RALGPS1: variants seen among roughly 807,000 people sequenced by gnomAD.
RALGPS1 encodes Ral GEF with PH domain and SH3 binding motif 1, also known as ras-specific guanine nucleotide-releasing factor RalGPS1.
Under a neutral mutation model 78.8 loss-of-function variants are expected in RALGPS1, and 19 were observed. The observed-to-expected ratio is 0.24, with a 90% CI of 0.17 to 0.35. RALGPS1 has a LOEUF of 0.35. Among genes scored for constraint, RALGPS1 ranks in the 10% least tolerant of loss-of-function variants. RALGPS1 has a pLI of 1.00. For missense variants in RALGPS1, 454 were observed against 688.3 expected, an observed-to-expected ratio of 0.66 and a Z score of 3.81; for synonymous variants, 228 against 256.3, an observed-to-expected ratio of 0.89 and a Z score of 1.06.
At chr9:127,217,290 C>G (rs2062638051) in intron 18 of RALGPS1, 8 of 1,114,928 alleles carry the variant, frequency 7.2e-6, no homozygotes, top group South Asian at 4.0e-5. Context: ...TACTTTCAAC[C>G]AAATATTCCC....
At chr9:127,002,124 C>T (rs548464668) in intron 4 of RALGPS1, among the ~76,000 whole-genome samples, 1 of 152,132 alleles carries the variant, frequency 6.6e-6, no homozygotes, top group African/African-American at 2.4e-5. Context: ...ACCTCATGCC[C>T]CCTCCAAGTC....
intron 4 of RALGPS1, among the ~76,000 whole-genome samples, chr9:127,018,192 G>A (rs1168101730): frequency 2.0e-5 from 3 of 151,944 alleles, no homozygotes; most frequent in Non-Finnish European, 2.9e-5. Context: ...TCCAGCCTGA[G>A]TGACAGCAAG....
At chr9:127,057,060 C>T (rs1460501808) in intron 7 of RALGPS1, among the ~76,000 whole-genome samples, 1 of 152,170 alleles carries the variant, frequency 6.6e-6, no homozygotes, top group Admixed American at 6.5e-5. Flanking sequence ...GATAGAATGA[C>T]TTGTTCAAGA....
chr9:127,138,120 C>G (rs549112402), intron 8 of RALGPS1, among the ~76,000 whole-genome samples: 3 of 152,098 alleles, frequency 2.0e-5, no homozygotes, highest in South Asian at 2.1e-4. Flanking sequence ...AGGCCACGGC[C>G]GAAGAATGAG....
intron 1 of RALGPS1, among the ~76,000 whole-genome samples, chr9:126,920,219 A>G (rs1276752486): frequency 6.6e-6 from 1 of 152,094 alleles, no homozygotes. Context: ...AGTGGTGGCA[A>G]ATTCTTATTT....
intron 4 of RALGPS1, 194 bp downstream of exon 4, chr9:126,977,939 C>A (rs932511608): frequency 4.3e-6 from 2 of 467,016 alleles, no homozygotes; most frequent in African/African-American, 2.0e-5. Context: ...AGAATGTCTC[C>A]CGTCTGGCCT....
intron 3 of RALGPS1, 121 bp from the exon 4 acceptor site, chr9:126,977,574 T>A (rs775909655): frequency 8.7e-6 from 5 of 574,300 alleles, no homozygotes; most frequent in Non-Finnish European, 1.4e-5. Flanking sequence ...CTATTTGGTC[T>A]TGTTTTTTAT....
chr9:127,138,072 T>C (rs1198000872), intron 8 of RALGPS1, among the ~76,000 whole-genome samples: 2 of 152,146 alleles, frequency 1.3e-5, no homozygotes, highest in Admixed American at 6.5e-5. Flanking sequence ...GCTAACCATG[T>C]CAGAAGGCAG....
At chr9:126,971,076 G>C (rs1226151617) in intron 3 of RALGPS1, among the ~76,000 whole-genome samples, 4 of 152,068 alleles carry the variant, frequency 2.6e-5, no homozygotes, top group Non-Finnish European at 5.9e-5. Context: ...AAACATAACA[G>C]AAAATGCCTA....
At chr9:127,160,875 C>T (rs2058981695) in intron 8 of RALGPS1, among the ~76,000 whole-genome samples, 1 of 152,198 alleles carries the variant, frequency 6.6e-6, no homozygotes, top group Non-Finnish European at 1.5e-5. Flanking sequence ...ACAGGAGTGC[C>T]TTCTGTACAG....
At chr9:127,011,788 G>C (rs2044369317) in intron 4 of RALGPS1, among the ~76,000 whole-genome samples, 1 of 152,196 alleles carries the variant, frequency 6.6e-6, no homozygotes, top group Non-Finnish European at 1.5e-5. Context: ...TATGTAACAG[G>C]AAGATTAATA....
At chr9:126,930,220 C>T (rs1399935487) in intron 1 of RALGPS1, among the ~76,000 whole-genome samples, 3 of 148,472 alleles carry the variant, frequency 2.0e-5, no homozygotes, top group African/African-American at 7.5e-5. Context: ...TATAATTAGG[C>T]TTGTGACAGA....
intron 1 of RALGPS1, among the ~76,000 whole-genome samples, chr9:126,943,808 G>A (rs376692670): frequency 3.3e-5 from 5 of 152,294 alleles, no homozygotes; most frequent in East Asian, 1.9e-4. Flanking sequence ...TGTTTTAAGG[G>A]AAGGACCAGG....
intron 1 of RALGPS1, among the ~76,000 whole-genome samples, chr9:126,947,261 C>A (rs1055729802): frequency 6.6e-6 from 1 of 152,158 alleles, no homozygotes; most frequent in Non-Finnish European, 1.5e-5. Flanking sequence ...CTTCTACATA[C>A]ATCATCTTAT....
intron 17 of RALGPS1, 48 bp downstream of exon 17, chr9:127,213,097 T>C (rs746508747): frequency 5.1e-5 from 82 of 1,612,590 alleles, no homozygotes; most frequent in Non-Finnish European, 6.7e-5. Context: ...TCTGCCCATT[T>C]CCTCTCTTGC....
intron 2 of RALGPS1, among the ~76,000 whole-genome samples, chr9:126,965,561 A>T (rs1297310679): frequency 6.6e-6 from 1 of 152,188 alleles, no homozygotes; most frequent in African/African-American, 2.4e-5. Context: ...TTTCCCTTTC[A>T]TAGCTGAGAT....
At chr9:127,007,617 GT>G (rs1438691377) in intron 4 of RALGPS1, among the ~76,000 whole-genome samples, 1 of 152,164 alleles carries the variant, frequency 6.6e-6, no homozygotes, top group Non-Finnish European at 1.5e-5. Flanking sequence ...GGGAGAAGGA[GT>G]TTTTCAGGCA....
At chr9:127,108,868 A>G (rs2054524998) in intron 8 of RALGPS1, 2 of 985,142 alleles carry the variant, frequency 2.0e-6, no homozygotes, top group Non-Finnish European at 2.9e-6. Context: ...CTCGCCAGGC[A>G]GGCAGAGCTT....
chr9:126,986,740 TTC>T (rs2041838579), intron 4 of RALGPS1, among the ~76,000 whole-genome samples: 1 of 152,168 alleles, frequency 6.6e-6, no homozygotes, highest in African/African-American at 2.4e-5. Flanking sequence ...CAGCCCAGGG[TTC>T]TGTCAGAGCT....
Sources: gnomAD v4.1 joint callset for allele counts (sites outside exome capture counted in the v4.1 genomes callset) on GRCh38, gnomAD v4.1.1 for gene constraint, MANE v1.5 for transcripts, NCBI Gene and HGNC (gene_info 2026-07-23, HGNC 2026-07-21) for gene names.